The following STN1 variants were observed in gnomAD, a reference collection of about 807,000 sequenced individuals.
STN1 encodes STN1 subunit of CST complex.
A neutral mutation model predicts 45.5 loss-of-function variants in STN1; 29 were observed. The ratio of observed to expected loss-of-function variants is 0.64; its 90% CI spans 0.47 to 0.87. The LOEUF (loss-of-function observed/expected upper bound fraction) is 0.87, where lower values mean the gene tolerates loss of function less well. STN1 is among the 40% of genes least tolerant of loss of function. The pLI is 0.00. For synonymous variants in STN1, 148 were observed against 159.0 expected (o/e 0.93, Z 0.52); for missense variants, 376 against 441.4 (o/e 0.85, Z 1.33).
At chr10:103,916,090 A>G (rs1843329016) in intron 2 of STN1, among the ~76,000 whole-genome samples, 1 of 152,224 alleles carries the variant, frequency 6.6e-6, no homozygotes, top group Non-Finnish European at 1.5e-5. Flanking sequence ...CCCAGGTCTA[A>G]AAGTATCCAA....
In STN1 at chr10:103,914,335, CATATATATATATATATATAT is replaced by C. The variant is rs1239270984; in HGVS notation, c.133+3107_133+3126del. On this transcript the variant is annotated intron_variant, in intron 2 of 9. Transcript: ENST00000224950. ...ATGTTATGAGCTATTATTAAAAATA[CATATATATATATATATATAT>C]ATATATATATATATATATATTTTTT... 2.8e-4 allele frequency among the ~76,000 whole-genome samples: 10 copies of C among 35,570 alleles called. 1 individual carries two copies. The South Asian group carries it at 0.016, about 56-fold the overall frequency. The allele number at this position is 35,570 out of a possible 152,430, so 23.3% of individuals were successfully genotyped here. A position where few individuals can be genotyped will look rare whatever the true frequency, so the allele number is the denominator to read the frequency against.
intron 2 of STN1, among the ~76,000 whole-genome samples, chr10:103,915,935 A>C (rs1371036881): frequency 6.6e-6 from 1 of 151,806 alleles, no homozygotes; most frequent in Non-Finnish European, 1.5e-5. Flanking sequence ...TTGCGCTCCT[A>C]AAAGAATGTA....
At position 103,889,778 on chromosome 10, in the gene STN1, C is replaced by T. The variant is rs576125336; in HGVS notation, c.877-634G>A. ...AGTGCAGTGGCACGATCTTAGCTCACTGCAACCTCCGCCTCCCAGGTTCAA... is the reference window on the plus strand; with the variant it reads ...AGTGCAGTGGCACGATCTTAGCTCATTGCAACCTCCGCCTCCCAGGTTCAA... On this transcript the variant is annotated intron_variant, in intron 8 of 9. Transcript: ENST00000224950. Among the ~76,000 whole-genome samples, 10 of 146,662 alleles carry T rather than the reference C, an allele frequency of 6.8e-5. No individual in the cohort carries two copies. In the South Asian group the frequency reaches 2.2e-3, roughly 32 times the overall value.
rs766690999 is a variant in STN1, at chr10:103,878,216, T to C, written c.*4468A>G. On this transcript the variant is annotated 3_prime_UTR_variant, in exon 10 of 10. Transcript: ENST00000224950. The stretch of plus-strand genomic sequence containing the variant: ...TGTCTTCTTGCCTACACAAGCTACA[T>C]GTGGGGTTCACACCTCCTGAAACAT... 4 of 152,228 alleles carry C rather than the reference T, an allele frequency of 2.6e-5. No individual in the cohort carries two copies. The highest frequency in any genetic ancestry group is 4.8e-5 in the African/African-American group (2 of 41,464). 9.4% of individuals were successfully genotyped at this position (152,228 alleles called of 1,614,324 possible). A position where few individuals can be genotyped will look rare whatever the true frequency, so the allele number is the denominator to read the frequency against.
chr10:103,906,491 T>C (rs960750697), intron 3 of STN1, among the ~76,000 whole-genome samples: 2 of 151,970 alleles, frequency 1.3e-5, no homozygotes, highest in African/African-American at 2.4e-5. Flanking sequence ...ACCCCGTCTC[T>C]ACCAAAAAAA....
At chr10:103,914,353 TATATATATATATATA>T (rs773334642) in intron 2 of STN1, among the ~76,000 whole-genome samples, 1,141 of 21,340 alleles carry the variant, frequency 0.053, 86 homozygotes, top group Admixed American at 0.094. Flanking sequence ...TATATATATA[TATATATATATATATA>T]TATATATTTT....
chr10:103,892,395 C>T (rs1843145499), intron 7 of STN1, 143 bp from the exon 8 acceptor site: 3 of 683,458 alleles, frequency 4.4e-6, no homozygotes, highest in Non-Finnish European at 4.6e-6. Context: ...TATGTACCGG[C>T]CTAGCAGGAT....
At chr10:103,882,908 C>T in intron 9 of STN1, 67 bp from the exon 10 acceptor site, 7 of 1,477,570 alleles carry the variant, frequency 4.7e-6, no homozygotes, top group African/African-American at 1.4e-5. Flanking sequence ...CCTCTCCATA[C>T]CTGACTTGGC....
intron 7 of STN1, among the ~76,000 whole-genome samples, chr10:103,895,614 C>T (rs533998274): frequency 6.6e-6 from 1 of 152,258 alleles, no homozygotes; most frequent in East Asian, 1.9e-4. Context: ...GAAACGATAT[C>T]CCTCATCTCC....
At chr10:103,903,853 T>C (rs1490731192) in intron 4 of STN1, among the ~76,000 whole-genome samples, 2 of 152,232 alleles carry the variant, frequency 1.3e-5, no homozygotes, top group Non-Finnish European at 2.9e-5. Context: ...CTATGAGGTA[T>C]CTGCCTAAAA....
At chr10:103,902,421 G>C (rs533905353) in intron 4 of STN1, among the ~76,000 whole-genome samples, 17 of 152,174 alleles carry the variant, frequency 1.1e-4, no homozygotes, top group Non-Finnish European at 2.2e-4. Flanking sequence ...CTGATGGTTG[G>C]TCTGAGAAAA....
chr10:103,916,009 C>T (rs1843328494), intron 2 of STN1, among the ~76,000 whole-genome samples: 1 of 152,180 alleles, frequency 6.6e-6, no homozygotes, highest in Admixed American at 6.5e-5. Context: ...CAACCACTCA[C>T]TTCCTGCTGT....
In STN1 at chr10:103,892,017, T is replaced by C. The variant is rs1178771396; in HGVS notation, c.876+113A>G. On this transcript the variant is annotated intron_variant, in intron 8 of 9. Transcript: ENST00000224950. Reference sequence around the variant, plus strand: ...GATAAGGGCCAACTTTCACTTCTGATTTTATGTACCTCCTTAATGATTTTT... The same window carrying C: ...GATAAGGGCCAACTTTCACTTCTGACTTTATGTACCTCCTTAATGATTTTT... 4 of 908,528 alleles carry C rather than the reference T, an allele frequency of 4.4e-6. No individual in the cohort carries two copies. The African/African-American group carries it at 6.7e-5, about 15-fold the overall frequency. 56.3% of individuals were successfully genotyped at this position (908,528 alleles called of 1,614,324 possible). A position where few individuals can be genotyped will look rare whatever the true frequency, so the allele number is the denominator to read the frequency against.
At chr10:103,895,143 C>G (rs560954985) in intron 7 of STN1, among the ~76,000 whole-genome samples, 1 of 152,286 alleles carries the variant, frequency 6.6e-6, no homozygotes, top group South Asian at 2.1e-4. Flanking sequence ...GGGACTAATT[C>G]ATAATTGATA....
At chr10:103,910,144 T>C (rs917228942) in intron 3 of STN1, among the ~76,000 whole-genome samples, 1 of 152,232 alleles carries the variant, frequency 6.6e-6, no homozygotes, top group African/African-American at 2.4e-5. Flanking sequence ...GAATCTACTT[T>C]AACATTAATC....
chr10:103,880,045 C>T lies in STN1; in HGVS notation c.*2639G>A, dbSNP rs532719745. Among the ~76,000 whole-genome samples, 111 of 152,346 alleles carry T rather than the reference C, an allele frequency of 7.3e-4. No homozygotes were observed. The highest frequency in any genetic ancestry group is 1.4e-3 in the Non-Finnish European group (97 of 68,034). ...TACCTGCTGCAGGAGACGGCCCGCC[C>T]ACTTCACCCGCCTGGGCCAAGTATG... On this transcript the variant is annotated 3_prime_UTR_variant, in exon 10 of 10. Coordinates refer to ENST00000224950, the MANE Select transcript of STN1 (RefSeq NM_024928.5).
At chr10:103,898,753 A>C in intron 6 of STN1, 124 bp downstream of exon 6, 1 of 1,094,386 alleles carries the variant, frequency 9.1e-7, no homozygotes, top group Non-Finnish European at 1.3e-6. Context: ...GGGCTTGCCC[A>C]GAGCCCCACA....
At chr10:103,897,036 AACCAT>A (rs1474093289) in intron 7 of STN1, among the ~76,000 whole-genome samples, 1 of 152,140 alleles carries the variant, frequency 6.6e-6, no homozygotes, top group Non-Finnish European at 1.5e-5. Flanking sequence ...CGCGAACTTG[AACCAT>A]GGTTTTTAAT....
At chr10:103,915,465 T>C (rs1453750551) in intron 2 of STN1, among the ~76,000 whole-genome samples, 2 of 152,206 alleles carry the variant, frequency 1.3e-5, no homozygotes, top group African/African-American at 2.4e-5. Flanking sequence ...TGAATAATGA[T>C]GACGCTCCTA....
Sources: allele counts gnomAD v4.1 joint callset (sites outside exome capture counted in the v4.1 genomes callset), GRCh38; gene constraint gnomAD v4.1.1; transcripts MANE v1.5; gene names NCBI Gene and HGNC (gene_info 2026-07-23, HGNC 2026-07-21).